Variants in NRG1 observed in about 807,000 individuals in gnomAD.
The protein encoded by NRG1 is neuregulin 1.
NRG1 carries 18 observed loss-of-function variants against 63.8 expected under a neutral mutation model. The ratio of observed to expected loss-of-function variants is 0.28; its 90% CI spans 0.19 to 0.42. NRG1 has a LOEUF of 0.42. Ranked by LOEUF, NRG1 falls within the 10% of genes least tolerant of loss-of-function variation. The pLI is 1.00. For synonymous variants in NRG1, 302 were observed against 301.3 expected, an observed-to-expected ratio of 1.00 and a Z score of -0.02; for missense variants, 762 against 814.7, an observed-to-expected ratio of 0.94 and a Z score of 0.79.
At chr8:31,733,931 C>T (rs1351688784) in intron 1 of NRG1, among the ~76,000 whole-genome samples, 3 of 152,140 alleles carry the variant, frequency 2.0e-5, no homozygotes, top group African/African-American at 7.2e-5. Flanking sequence ...TTGTTTGGGT[C>T]ACTGGACTCG....
intron 1 of NRG1, among the ~76,000 whole-genome samples, chr8:32,176,109 G>A (rs1009420280): frequency 1.3e-5 from 2 of 152,160 alleles, no homozygotes; most frequent in African/African-American, 4.8e-5. Context: ...AAAACAGCAT[G>A]GTACTGATAC....
intron 1 of NRG1, among the ~76,000 whole-genome samples, chr8:31,806,732 C>T (rs1822326582): frequency 6.6e-6 from 1 of 151,934 alleles, no homozygotes; most frequent in Non-Finnish European, 1.5e-5. Context: ...GTCAGAGACA[C>T]ATGAATAGTG....
intron 1 of NRG1, among the ~76,000 whole-genome samples, chr8:31,795,167 C>T (rs1413200918): frequency 6.6e-6 from 1 of 152,010 alleles, no homozygotes; most frequent in Non-Finnish European, 1.5e-5. Context: ...AATTGTTTGC[C>T]CTAGATCGAG....
rs1248235854 is a variant in NRG1 at position 31,640,067 on chromosome 8, C to G, written c.37+636C>G. 1.8e-6 allele frequency: 2 copies of G among 1,136,242 alleles called. No individual in the cohort carries two copies. The highest frequency in any genetic ancestry group is 2.2e-6 in the Non-Finnish European group (2 of 928,306). 70.4% of individuals were successfully genotyped at this position (1,136,242 alleles called of 1,614,324 possible). A position where few individuals can be genotyped will look rare whatever the true frequency, so the allele number is the denominator to read the frequency against. On this transcript the variant is annotated intron_variant, in intron 1 of 10. Transcript: ENST00000519301. The surrounding 1 kb of genome is among the most constrained non-coding windows in gnomAD (Gnocchi z 6.3). ...CCCGGCTCCGCCGCCCGCTCGTCGC[C>G]GCCGCTGCCGCTGCTGCCACTACTG...
At chr8:32,136,362 C>T (rs1835521690) in intron 1 of NRG1, among the ~76,000 whole-genome samples, 1 of 152,150 alleles carries the variant, frequency 6.6e-6, no homozygotes, top group Non-Finnish European at 1.5e-5. Flanking sequence ...CAAATGCAAA[C>T]ACTTCAACCA....
At chr8:32,380,781 A>G (rs1186108992) in intron 1 of NRG1, among the ~76,000 whole-genome samples, 4 of 152,122 alleles carry the variant, frequency 2.6e-5, no homozygotes, top group African/African-American at 9.7e-5. Context: ...GTTTTTTGTT[A>G]ATGCATAATA....
intron 1 of NRG1, among the ~76,000 whole-genome samples, chr8:32,348,396 T>A (rs1319921866): frequency 6.6e-6 from 1 of 152,200 alleles, no homozygotes; most frequent in African/African-American, 2.4e-5. Context: ...TAAACAAATG[T>A]AAGAGTCTGG....
intron 1 of NRG1, among the ~76,000 whole-genome samples, chr8:31,897,789 C>A (rs968963695): frequency 6.6e-6 from 1 of 151,546 alleles, no homozygotes; most frequent in Non-Finnish European, 1.5e-5. Context: ...CTGAGGCGGG[C>A]AGATCACCCG....
chr8:32,569,061 G>GT (rs1434848331), intron 1 of NRG1, among the ~76,000 whole-genome samples: 1 of 151,626 alleles, frequency 6.6e-6, no homozygotes, highest in Non-Finnish European at 1.5e-5. Context: ...TTTGTTTTTT[G>GT]TTTTTTGAGA....
chr8:32,276,029 A>G (rs1445088633), intron 1 of NRG1, among the ~76,000 whole-genome samples: 1 of 152,158 alleles, frequency 6.6e-6, no homozygotes, highest in Admixed American at 6.5e-5. Context: ...AACATTTATC[A>G]TTTCTTCATG....
chr8:31,780,592 G>C (rs994095754), intron 1 of NRG1, among the ~76,000 whole-genome samples: 1 of 152,162 alleles, frequency 6.6e-6, no homozygotes, highest in African/African-American at 2.4e-5. Context: ...ACCTGCGTTA[G>C]AATTTCTGAG....
intron 1 of NRG1, among the ~76,000 whole-genome samples, chr8:31,786,718 A>G (rs1820209210): frequency 6.6e-6 from 1 of 152,204 alleles, no homozygotes; most frequent in Admixed American, 6.6e-5. Context: ...ATTATACAGA[A>G]TATTGTAAAG....
chr8:31,890,977 T>C (rs961609527), intron 1 of NRG1, among the ~76,000 whole-genome samples: 1 of 152,190 alleles, frequency 6.6e-6, no homozygotes, highest in Admixed American at 6.5e-5. Flanking sequence ...TTCACCTAAG[T>C]CTTACACCTT....
intron 1 of NRG1, among the ~76,000 whole-genome samples, chr8:32,077,368 T>TC (rs916472420): frequency 5.5e-4 from 83 of 151,472 alleles, no homozygotes; most frequent in Admixed American, 1.4e-3. Context: ...CTTCATCCCC[T>TC]CCCCCCCAAA....
intron 1 of NRG1, among the ~76,000 whole-genome samples, chr8:32,447,370 A>G (rs745462559): frequency 1.3e-5 from 2 of 152,082 alleles, no homozygotes; most frequent in African/African-American, 4.8e-5. Flanking sequence ...TGGTTTTCCA[A>G]TGGAAATGGT....
intron 1 of NRG1, among the ~76,000 whole-genome samples, chr8:32,255,352 G>A (rs1416501757): frequency 6.6e-6 from 1 of 152,140 alleles, no homozygotes; most frequent in Non-Finnish European, 1.5e-5. Context: ...TCCATATTTA[G>A]TGCTTCCTTC....
At chr8:31,851,930 A>G (rs1827273131) in intron 1 of NRG1, among the ~76,000 whole-genome samples, 1 of 150,846 alleles carries the variant, frequency 6.6e-6, no homozygotes, top group Admixed American at 6.6e-5. Flanking sequence ...CCTACAAAGG[A>G]CATGAACTCA....
chr8:32,148,876 C>T (rs938734991), intron 1 of NRG1, among the ~76,000 whole-genome samples: 1 of 152,148 alleles, frequency 6.6e-6, no homozygotes, highest in Non-Finnish European at 1.5e-5. Flanking sequence ...GTCTTTACAG[C>T]TATTAAGTTG....
At chr8:32,093,629 G>T (rs894501764) in intron 1 of NRG1, among the ~76,000 whole-genome samples, 2 of 152,158 alleles carry the variant, frequency 1.3e-5, no homozygotes, top group African/African-American at 4.8e-5. Context: ...AGGTGTTTCT[G>T]TTTGGTGTGA....
Sources: allele counts gnomAD v4.1 joint callset (sites outside exome capture counted in the v4.1 genomes callset), GRCh38; gene constraint gnomAD v4.1.1; non-coding constraint Gnocchi (gnomAD v3.1); transcripts MANE v1.5; gene names NCBI Gene and HGNC (gene_info 2026-07-23, HGNC 2026-07-21).